Variants in BIN3 observed in about 807,000 individuals in gnomAD.
BIN3 encodes the protein bridging integrator 3.
A neutral mutation model predicts 38.2 loss-of-function variants in BIN3; 41 were observed. That is an observed-to-expected ratio of 1.07 (90% CI 0.84 to 1.39). BIN3 has a LOEUF of 1.39. Among genes scored for constraint, BIN3 ranks in the 40% most tolerant of loss-of-function variants. The pLI, the probability that BIN3 is intolerant of heterozygous loss-of-function variation, is 0.00. For synonymous variants in BIN3, 145 were observed against 122.6 expected (o/e 1.18, Z -1.21); for missense variants, 361 against 324.3 (o/e 1.11, Z -0.87).
chr8:22,640,103 C>T (rs895603441), intron 2 of BIN3, among the ~76,000 whole-genome samples: 1 of 151,384 alleles, frequency 6.6e-6, no homozygotes, highest in Non-Finnish European at 1.5e-5. Context: ...CTCAGGTGAT[C>T]CCCCCCGCCT....
chr8:22,644,432 T>A (rs1340335828), intron 2 of BIN3, among the ~76,000 whole-genome samples: 4 of 152,244 alleles, frequency 2.6e-5, no homozygotes, highest in African/African-American at 9.6e-5. Flanking sequence ...GGAACACTCT[T>A]AGGAAAAGTA....
chr8:22,641,146 G>C (rs1293092820), intron 2 of BIN3, among the ~76,000 whole-genome samples: 2 of 152,198 alleles, frequency 1.3e-5, no homozygotes, highest in Non-Finnish European at 2.9e-5. Context: ...GAACATCTTT[G>C]AATGCTTGAT....
At chr8:22,668,328 A>C (rs968272702) in intron 1 of BIN3, among the ~76,000 whole-genome samples, 5 of 152,252 alleles carry the variant, frequency 3.3e-5, no homozygotes, top group Admixed American at 1.3e-4. Context: ...CTATGACCCA[A>C]GTATCACATC....
chr8:22,648,136 C>CAAAAA (rs55869105), intron 1 of BIN3, among the ~76,000 whole-genome samples: 3 of 102,382 alleles, frequency 2.9e-5, no homozygotes, highest in South Asian at 3.4e-4. Context: ...CTCCGTCTCT[C>CAAAAA]AAAAAAAAAA....
intron 1 of BIN3, among the ~76,000 whole-genome samples, chr8:22,658,264 C>A (rs1335152443): frequency 6.6e-6 from 1 of 152,046 alleles, no homozygotes; most frequent in Non-Finnish European, 1.5e-5. Context: ...AACTGCCCCA[C>A]CGCAAAAAAG....
chr8:22,632,285 G>A (rs756928043), intron 4 of BIN3, among the ~76,000 whole-genome samples: 3 of 152,122 alleles, frequency 2.0e-5, no homozygotes, highest in Admixed American at 6.5e-5. Context: ...TGCGCTCCCC[G>A]GGGAAGGGTC....
intron 2 of BIN3, chr8:22,644,519 C>T (rs1802655792): frequency 2.0e-6 from 1 of 507,048 alleles, no homozygotes; most frequent in Non-Finnish European, 3.6e-6. Flanking sequence ...TCCACCCATT[C>T]CCCCTGCCCA....
intron 1 of BIN3, among the ~76,000 whole-genome samples, chr8:22,661,908 A>C (rs1803248635): frequency 6.6e-6 from 1 of 151,094 alleles, no homozygotes; most frequent in African/African-American, 2.4e-5. Context: ...CTCCTGCCTC[A>C]GCCTCTTGAG....
rs1217559931 is a variant in BIN3, at chr8:22,620,720, C to A, written c.*702G>T. 6.6e-6 allele frequency: 1 copy of A among 152,230 alleles called. No individual in the cohort carries two copies. The highest frequency in any genetic ancestry group is 1.5e-5 in the Non-Finnish European group (1 of 68,050). 9.4% of individuals were successfully genotyped at this position (152,230 alleles called of 1,614,324 possible). A position where few individuals can be genotyped will look rare whatever the true frequency, so the allele number is the denominator to read the frequency against. Reference sequence around the variant, plus strand: ...ACAGCACAATACTATGTGGACGTTTCATTGAAAATTTTACTTGAAAAAATA... The same window carrying A: ...ACAGCACAATACTATGTGGACGTTTAATTGAAAATTTTACTTGAAAAAATA... On this transcript the variant is annotated 3_prime_UTR_variant, in exon 9 of 9. Coordinates refer to ENST00000276416, the MANE Select transcript of BIN3 (RefSeq NM_018688.6).
rs144962194 is a variant in BIN3 at position 22,621,077 on chromosome 8, G to A, written c.*345C>T. On this transcript the variant is annotated 3_prime_UTR_variant, in exon 9 of 9. Coordinates refer to ENST00000276416, the MANE Select transcript of BIN3 (RefSeq NM_018688.6). ...TGGAGGTAGATTTGATGCCCACAAC[G>A]CATGCAAGGCTAAGACCCCCAACTT... 578 of 228,306 alleles carry A rather than the reference G, an allele frequency of 2.5e-3. 4 individuals carry two copies. Among genetic ancestry groups the A allele is most frequent in the Non-Finnish European group, 1.6e-3 (191 of 116,324 alleles). 14.1% of individuals were successfully genotyped at this position (228,306 alleles called of 1,614,324 possible).
At chr8:22,647,200 C>A (rs1358274081) in intron 1 of BIN3, among the ~76,000 whole-genome samples, 1 of 152,220 alleles carries the variant, frequency 6.6e-6, no homozygotes, top group East Asian at 1.9e-4. Flanking sequence ...AAAGAAGTCT[C>A]AGAGTGGTCT....
chr8:22,661,140 C>T (rs1803223049), intron 1 of BIN3, among the ~76,000 whole-genome samples: 1 of 152,160 alleles, frequency 6.6e-6, no homozygotes, highest in Non-Finnish European at 1.5e-5. Context: ...CCGCCTTGGC[C>T]TCCCAAAGTG....
intron 1 of BIN3, among the ~76,000 whole-genome samples, chr8:22,662,299 CCTA>C (rs1803262114): frequency 1.3e-5 from 2 of 152,174 alleles, no homozygotes; most frequent in South Asian, 4.1e-4. Flanking sequence ...TATGTGAATT[CCTA>C]CTATTCCTCA....
intron 1 of BIN3, among the ~76,000 whole-genome samples, chr8:22,645,151 C>T (rs566549306): frequency 1.4e-5 from 2 of 145,818 alleles, no homozygotes; most frequent in African/African-American, 2.6e-5. Context: ...AGCGACAGAG[C>T]AAGACCCTAT....
intron 1 of BIN3, among the ~76,000 whole-genome samples, chr8:22,666,165 G>A (rs942633820): frequency 3.9e-5 from 6 of 152,000 alleles, no homozygotes; most frequent in East Asian, 1.9e-4. Flanking sequence ...AATCATCAAG[G>A]TGTATGGTTC....
chr8:22,643,309 A>T (rs984002356), intron 2 of BIN3, among the ~76,000 whole-genome samples: 1 of 151,440 alleles, frequency 6.6e-6, no homozygotes, highest in Non-Finnish European at 1.5e-5. Context: ...CTGCCTCTGC[A>T]TGAAGCAGAG....
intron 8 of BIN3, among the ~76,000 whole-genome samples, chr8:22,623,606 C>T (rs1249302821): frequency 2.0e-5 from 3 of 152,164 alleles, no homozygotes; most frequent in African/African-American, 4.8e-5. Context: ...CTTGAGGGTG[C>T]GGGGCAGAGG....
intron 4 of BIN3, 109 bp downstream of exon 4, chr8:22,636,416 C>T: frequency 8.7e-7 from 1 of 1,150,532 alleles, no homozygotes; most frequent in Non-Finnish European, 1.3e-6. Context: ...ACACTGGGTA[C>T]ACGTCCTCTG....
intron 2 of BIN3, among the ~76,000 whole-genome samples, chr8:22,642,820 C>G (rs957624243): frequency 6.6e-6 from 1 of 152,298 alleles, no homozygotes; most frequent in Admixed American, 6.5e-5. Context: ...AGTTTCTTAA[C>G]CCCTACCTGA....
Sources: gnomAD v4.1 joint callset for allele counts (sites outside exome capture counted in the v4.1 genomes callset) on GRCh38, gnomAD v4.1.1 for gene constraint, MANE v1.5 for transcripts, NCBI Gene and HGNC (gene_info 2026-07-23, HGNC 2026-07-21) for gene names.